Variants in OR4N5 observed in about 807,000 individuals in gnomAD.
OR4N5 encodes olfactory receptor family 4 subfamily N member 5, also known as olfactory receptor 4N5.
For synonymous variants in OR4N5, 155 were observed against 140.6 expected (o/e 1.10, Z -0.72); for missense variants, 428 against 370.0 (o/e 1.16, Z -1.29).
chr14:20,143,694 A>T, intron 2 of OR4N5, 31 bp from the exon 3 acceptor site: 1 of 1,389,742 alleles, frequency 7.2e-7, no homozygotes, highest in Non-Finnish European at 1.0e-6. Flanking sequence ...TGGTTATAAC[A>T]GATAACAATT....
chr14:20,142,996 T>C (rs537983683), intron 2 of OR4N5, among the ~76,000 whole-genome samples: 1 of 152,174 alleles, frequency 6.6e-6, no homozygotes, highest in Non-Finnish European at 1.5e-5. Context: ...AGGTTATAGA[T>C]ATATAGAGAG....
At chr14:20,139,855 C>T (rs890918928) in intron 1 of OR4N5, among the ~76,000 whole-genome samples, 3 of 152,062 alleles carry the variant, frequency 2.0e-5, no homozygotes, top group African/African-American at 7.2e-5. Context: ...GGTAACTCAG[C>T]AAGGTAAAAT....
Position 20,144,310 on chromosome 14 carries a change from C to T in OR4N5, c.575C>T (p.Thr192Ile), listed in dbSNP as rs146929855. 6.2e-7 allele frequency: 1 copy of T among 1,613,966 alleles called. No homozygotes were observed. Residue 192 changes from threonine (T) to isoleucine (I), a missense_variant, in exon 3 of 3, where the codon ACC (threonine) becomes ATC (isoleucine). Transcript: ENST00000641086. ...GTCATCAAGCTGGCCTGCACCAATA[C>T]CTTTGTGGTGGAGCTTCTGATGGTC... The part of the protein sequence containing the change: ...PQVIKLACTN[T>I]FVVELLMVSN...
Position 20,144,695 on chromosome 14 carries a change from G to C in OR4N5, c.*33G>C, listed in dbSNP as rs1396491359. ...AAAGAGAAAAGCAAGAACGGAGAAA[G>C]TCCAGTTGAATTTAGCTAAATCATT... On this transcript the variant is annotated 3_prime_UTR_variant, in exon 3 of 3. Coordinates refer to ENST00000641086, the MANE Select transcript of OR4N5 (RefSeq NM_001004724.2). The C allele has an allele frequency of 2.1e-6, 3 of 1,419,454 alleles. No homozygotes were observed. The highest frequency in any genetic ancestry group is 2.9e-6 in the Non-Finnish European group (3 of 1,031,946). 87.9% of individuals were successfully genotyped at this position (1,419,454 alleles called of 1,614,324 possible).
At chr14:20,142,053 CGTAT>C (rs1243221290) in intron 2 of OR4N5, among the ~76,000 whole-genome samples, 1 of 151,986 alleles carries the variant, frequency 6.6e-6, no homozygotes, top group Non-Finnish European at 1.5e-5. Flanking sequence ...ATGGTATCAT[CGTAT>C]GTGAGTATTT....
Position 20,144,821 on chromosome 14 carries a change from G to C in OR4N5, c.*159G>C. The C allele has an allele frequency of 1.7e-6, 1 of 595,722 alleles. No homozygotes were observed. 36.9% of individuals were successfully genotyped at this position (595,722 alleles called of 1,614,324 possible). ...TATTCCAGGCATATGAATGAGACAG[G>C]TAAGATTCCAGGTCTCCTAGATTTA... On this transcript the variant is annotated 3_prime_UTR_variant, in exon 3 of 3. Transcript: ENST00000641086.
intron 1 of OR4N5, 119 bp downstream of exon 1, chr14:20,139,009 CTG>C (rs2139073172): frequency 6.6e-6 from 1 of 152,060 alleles, no homozygotes; most frequent in African/African-American, 2.4e-5. Flanking sequence ...CAGAATTCTG[CTG>C]CAGAAACAGA....
At chr14:20,142,311 A>G (rs1031664489) in intron 2 of OR4N5, among the ~76,000 whole-genome samples, 8 of 152,074 alleles carry the variant, frequency 5.3e-5, no homozygotes, top group Admixed American at 1.3e-4. Context: ...TTGTATTTTT[A>G]GTAGAGATGG....
intron 1 of OR4N5, 145 bp downstream of exon 1, chr14:20,139,035 G>C (rs1016396008): frequency 8.6e-5 from 13 of 152,032 alleles, no homozygotes; most frequent in African/African-American, 2.9e-4. Context: ...AGGGTGAGTT[G>C]TAAATTCAGG....
rs2139078122 is a variant in OR4N5 at position 20,145,445 on chromosome 14, T to C, written c.*783T>C. On this transcript the variant is annotated 3_prime_UTR_variant, in exon 3 of 3. Coordinates refer to ENST00000641086, the MANE Select transcript of OR4N5 (RefSeq NM_001004724.2). ...GGAAAGTGCGTGCTGCTAAGTATTT[T>C]TTATTTATGTCAACACTTAAAAGGT... is the stretch of plus-strand genomic sequence containing the variant. 1 of 152,250 alleles carries C rather than the reference T, an allele frequency of 6.6e-6. No homozygotes were observed. The highest frequency in any genetic ancestry group is 1.9e-4 in the East Asian group (1 of 5,192). The allele number at this position is 152,250 out of a possible 1,614,324, so 9.4% of individuals were successfully genotyped here.
In OR4N5 at chr14:20,144,938, A is replaced by T. The variant is rs1878707894; in HGVS notation, c.*276A>T. On this transcript the variant is annotated 3_prime_UTR_variant, in exon 3 of 3. Coordinates refer to ENST00000641086, the MANE Select transcript of OR4N5 (RefSeq NM_001004724.2). ...AAAAACAACTATAGTTTCAGAAAGA[A>T]ACAGTGTTCTGTAGCAAGCAGAAAG... is the stretch of plus-strand genomic sequence containing the variant. 1 of 300,322 alleles carries T rather than the reference A, an allele frequency of 3.3e-6. No individual in the cohort carries two copies. Among genetic ancestry groups the T allele is most frequent in the African/African-American group, 2.2e-5 (1 of 45,200 alleles). 18.6% of individuals were successfully genotyped at this position (300,322 alleles called of 1,614,324 possible). A position where few individuals can be genotyped will look rare whatever the true frequency, so the allele number is the denominator to read the frequency against.
Position 20,144,886 on chromosome 14 carries a change from G to A in OR4N5, c.*224G>A, listed in dbSNP as rs1211711350. Reference sequence around the variant, plus strand: ...AATACAGGTTATTAGATTTATTCAAGGGGATAAATACAGTTTATTAAATTT... The same window carrying A: ...AATACAGGTTATTAGATTTATTCAAAGGGATAAATACAGTTTATTAAATTT... On this transcript the variant is annotated 3_prime_UTR_variant, in exon 3 of 3. Coordinates refer to ENST00000641086, the MANE Select transcript of OR4N5 (RefSeq NM_001004724.2). 6.3e-6 allele frequency: 3 copies of A among 479,620 alleles called. No homozygotes were observed. Among genetic ancestry groups the A allele is most frequent in the Non-Finnish European group, 1.1e-5 (3 of 276,550 alleles). 29.7% of individuals were successfully genotyped at this position (479,620 alleles called of 1,614,324 possible).
chr14:20,144,311 C>A lies in OR4N5; in HGVS notation c.576C>A (p.Thr192=). Residue 192 remains threonine (T), a synonymous_variant, in exon 3 of 3, where the codon ACC becomes ACA. Coordinates refer to ENST00000641086, the MANE Select transcript of OR4N5 (RefSeq NM_001004724.2). ...TCATCAAGCTGGCCTGCACCAATAC[C>A]TTTGTGGTGGAGCTTCTGATGGTCT... ...PQVIKLACTN[T]FVVELLMVSN... 3 of 1,613,990 alleles carry A rather than the reference C, an allele frequency of 1.9e-6. No homozygotes were observed. The highest frequency in any genetic ancestry group is 1.1e-5 in the South Asian group (1 of 91,076).
At chr14:20,139,439 A>G (rs149573283) in intron 1 of OR4N5, among the ~76,000 whole-genome samples, 2,264 of 152,220 alleles carry the variant, frequency 0.015, 29 homozygotes, top group Middle Eastern at 0.051. Flanking sequence ...TAAAACAAGA[A>G]AGACATGATT....
intron 1 of OR4N5, among the ~76,000 whole-genome samples, chr14:20,140,101 T>C (rs1878587303): frequency 6.6e-6 from 1 of 152,196 alleles, no homozygotes; most frequent in Admixed American, 6.5e-5. Context: ...AGGAAGCAAC[T>C]AACTACTGTG....
rs1041944128 is a variant in OR4N5 at position 20,144,510 on chromosome 14, A to G, written c.775A>G (p.Thr259Ala). 9.9e-6 allele frequency: 16 copies of G among 1,613,812 alleles called. No homozygotes were observed. Among genetic ancestry groups the G allele is most frequent in the Non-Finnish European group, 1.4e-5 (16 of 1,179,940 alleles). ...GTTTGGACCTGCTATTTTCATCTAC[A>G]CTTGCCCCTTCCAGGCTTTCCCAGC... ...LMFGPAIFIY[T>A]CPFQAFPADK... is the part of the protein sequence containing the mutation. Residue 259 changes from threonine (T) to alanine (A), a missense_variant, in exon 3 of 3, where the codon ACT (threonine) becomes GCT (alanine). Physicochemically the swap from Thr to Ala is moderately conservative, Grantham distance 58. Transcript: ENST00000641086.
chr14:20,143,136 T>C (rs1455839788), intron 2 of OR4N5, among the ~76,000 whole-genome samples: 5 of 152,226 alleles, frequency 3.3e-5, no homozygotes, highest in African/African-American at 1.2e-4. Flanking sequence ...TCTTGCTTGC[T>C]ATCTTGGTGA....
At position 20,144,305 on chromosome 14, in the gene OR4N5, C is replaced by A. The variant is rs376173734; in HGVS notation, c.570C>A (p.Thr190=). 34 of 1,613,902 alleles carry A rather than the reference C, an allele frequency of 2.1e-5. No individual in the cohort carries two copies. The highest frequency in any genetic ancestry group is 1.6e-4 in the African/African-American group (12 of 74,906). The change falls in exon 3 of 3, where the codon ACC becomes ACA. Residue 190 remains threonine, a synonymous_variant. Transcript: ENST00000641086. The stretch of plus-strand genomic sequence containing the variant: ...CACAGGTCATCAAGCTGGCCTGCAC[C>A]AATACCTTTGTGGTGGAGCTTCTGA... ...DVPQVIKLAC[T]NTFVVELLMV...
Position 20,144,643 on chromosome 14 carries a change from G to A in OR4N5, c.908G>A (p.Ser303Asn), listed in dbSNP as rs901409270. 9.2e-5 allele frequency: 148 copies of A among 1,608,202 alleles called. No individual in the cohort carries two copies. Among genetic ancestry groups the A allele is most frequent in the Non-Finnish European group, 1.2e-4 (146 of 1,177,656 alleles). Residue 303 changes from serine to asparagine, a missense_variant, in exon 3 of 3, where the codon AGT becomes AAT. Ser to Asn is a conservative substitution (Grantham distance 46). Coordinates refer to ENST00000641086, the MANE Select transcript of OR4N5 (RefSeq NM_001004724.2). ...AAAGCTTCCATGAGGAAGTTGTTAA[G>A]TCAACATATGTTTTGCTGAATAGAA... ...EVKASMRKLL[S>N]QHMFC
Sources: allele counts gnomAD v4.1 joint callset (sites outside exome capture counted in the v4.1 genomes callset), GRCh38; gene constraint gnomAD v4.1.1; transcripts MANE v1.5; gene names NCBI Gene and HGNC (gene_info 2026-07-23, HGNC 2026-07-21).